Variants in PAK1 observed in about 807,000 individuals in gnomAD.
PAK1 encodes serine/threonine-protein kinase PAK 1.
A neutral mutation model predicts 67.4 loss-of-function variants in PAK1; 29 were observed. The observed-to-expected ratio is 0.43, with a 90% CI of 0.32 to 0.59. The LOEUF (loss-of-function observed/expected upper bound fraction) is 0.59, where lower values mean the gene tolerates loss of function less well. PAK1 is among the 20% of genes least tolerant of loss of function. The pLI is 0.07. For synonymous variants in PAK1, 223 were observed against 237.4 expected (o/e 0.94, Z 0.56); for missense variants, 337 against 670.7 (o/e 0.50, Z 5.50).
intron 4 of PAK1, among the ~76,000 whole-genome samples, chr11:77,378,598 C>CT (rs1207628710): frequency 2.0e-5 from 3 of 151,722 alleles, no homozygotes; most frequent in East Asian, 3.9e-4. Flanking sequence ...ACTATAACCT[C>CT]TTTTTTTTGA....
intron 2 of PAK1, among the ~76,000 whole-genome samples, chr11:77,384,020 G>A (rs1950161157): frequency 6.6e-6 from 1 of 152,224 alleles, no homozygotes; most frequent in African/African-American, 2.4e-5. Flanking sequence ...TGCATGCTCT[G>A]TGTACAGAAG....
At chr11:77,523,937 C>T in the PAK1 span, among the ~76,000 whole-genome samples, 1 of 152,076 alleles carries the variant, frequency 6.6e-6, no homozygotes, top group African/African-American at 2.4e-5. Context: ...ACATCAACAA[C>T]AGCAAATCTT....
At chr11:77,454,369 G>A (rs760354393) in intron 1 of PAK1, among the ~76,000 whole-genome samples, 10 of 152,034 alleles carry the variant, frequency 6.6e-5, no homozygotes, top group Non-Finnish European at 1.2e-4. Flanking sequence ...CACATTATCC[G>A]GTTTTATATC....
At chr11:77,432,251 C>CA (rs561409509) in intron 1 of PAK1, among the ~76,000 whole-genome samples, 217 of 151,640 alleles carry the variant, frequency 1.4e-3, no homozygotes, top group African/African-American at 4.8e-3. Flanking sequence ...TACCCTCTTA[C>CA]AAAAAAAATA....
At chr11:77,402,587 T>C (rs969045355) in intron 1 of PAK1, among the ~76,000 whole-genome samples, 2 of 151,996 alleles carry the variant, frequency 1.3e-5, no homozygotes, top group African/African-American at 4.8e-5. Flanking sequence ...TAAGGCCTCA[T>C]AAAGTTGAGG....
At chr11:77,445,665 T>A (rs1466456651) in intron 1 of PAK1, among the ~76,000 whole-genome samples, 1 of 152,242 alleles carries the variant, frequency 6.6e-6, no homozygotes, top group Non-Finnish European at 1.5e-5. Flanking sequence ...TAATTCTGTT[T>A]CACACCGGAG....
At chr11:77,460,708 G>A (rs912749587) in intron 1 of PAK1, among the ~76,000 whole-genome samples, 4 of 152,136 alleles carry the variant, frequency 2.6e-5, no homozygotes, top group Non-Finnish European at 4.4e-5. Flanking sequence ...ACATGTGGAG[G>A]AGCAAGCGAA....
At chr11:77,498,658 G>T in the PAK1 span, among the ~76,000 whole-genome samples, 8 of 139,318 alleles carry the variant, frequency 5.7e-5, no homozygotes, top group East Asian at 2.2e-4. Flanking sequence ...AATGCCCGAA[G>T]AAATAATTGT....
chr11:77,525,384 T>C, the PAK1 span, among the ~76,000 whole-genome samples: 1 of 151,016 alleles, frequency 6.6e-6, no homozygotes, highest in East Asian at 1.9e-4. Context: ...AGTCCAAGAG[T>C]GATCAGGACA....
At chr11:77,349,858 T>TG (rs1302880184) in intron 8 of PAK1, among the ~76,000 whole-genome samples, 1 of 151,734 alleles carries the variant, frequency 6.6e-6, no homozygotes, top group Non-Finnish European at 1.5e-5. Flanking sequence ...AGAATGTGTT[T>TG]GGGGGTGGGC....
At chr11:77,482,728 G>A in the PAK1 span, among the ~76,000 whole-genome samples, 5 of 151,794 alleles carry the variant, frequency 3.3e-5, no homozygotes, top group East Asian at 1.9e-4. Context: ...AGCCTGCTGA[G>A]TAGCTGGGAT....
chr11:77,489,154 T>C, the PAK1 span, among the ~76,000 whole-genome samples: 2 of 152,160 alleles, frequency 1.3e-5, no homozygotes, highest in South Asian at 2.1e-4. Flanking sequence ...GACAAATTTA[T>C]AGTGCTGAAG....
chr11:77,512,725 A>G, the PAK1 span, among the ~76,000 whole-genome samples: 1 of 152,154 alleles, frequency 6.6e-6, no homozygotes, highest in Non-Finnish European at 1.5e-5. Context: ...AGTGGCTTAG[A>G]TGCTTTTCAC....
intron 1 of PAK1, among the ~76,000 whole-genome samples, chr11:77,407,881 T>C (rs1425652395): frequency 3.3e-5 from 5 of 152,224 alleles, no homozygotes; most frequent in Non-Finnish European, 1.5e-5. Flanking sequence ...TGTTTGGCTA[T>C]GGCACAGTGA....
chr11:77,434,119 C>T (rs1055541756), intron 1 of PAK1, among the ~76,000 whole-genome samples: 1 of 152,092 alleles, frequency 6.6e-6, no homozygotes, highest in Non-Finnish European at 1.5e-5. Flanking sequence ...GCACATGACC[C>T]TGCAATTCTA....
chr11:77,367,197 T>G (rs938424738), intron 5 of PAK1, among the ~76,000 whole-genome samples: 3 of 152,174 alleles, frequency 2.0e-5, no homozygotes, highest in Non-Finnish European at 2.9e-5. Context: ...GGAGTTTGAA[T>G]GAATGGTAAA....
At chr11:77,512,431 A>G in the PAK1 span, among the ~76,000 whole-genome samples, 1 of 152,136 alleles carries the variant, frequency 6.6e-6, no homozygotes, top group Admixed American at 6.5e-5. Flanking sequence ...TGTTTGGAGC[A>G]GTATTTCTAA....
chr11:77,443,337 G>C (rs915839088), intron 1 of PAK1, among the ~76,000 whole-genome samples: 3 of 149,680 alleles, frequency 2.0e-5, no homozygotes, highest in Admixed American at 1.3e-4. Context: ...ATTATACAAA[G>C]TAAGATTGTT....
chr11:77,494,136 C>T, the PAK1 span, among the ~76,000 whole-genome samples: 2 of 151,916 alleles, frequency 1.3e-5, no homozygotes, highest in Non-Finnish European at 2.9e-5. Context: ...GTCTATCCTA[C>T]AAAGAAAAAA....
Sources: gnomAD v4.1 joint callset for allele counts (sites outside exome capture counted in the v4.1 genomes callset) on GRCh38, gnomAD v4.1.1 for gene constraint, MANE v1.5 for transcripts, NCBI Gene and HGNC (gene_info 2026-07-23, HGNC 2026-07-21) for gene names.